The following EMX1 variants were observed in gnomAD, a reference collection of about 807,000 sequenced individuals.
EMX1 encodes empty spiracles homeobox 1.
Under a neutral mutation model 20.1 loss-of-function variants are expected in EMX1, and 10 were observed. That is an observed-to-expected ratio of 0.50 (90% CI 0.31 to 0.84). The LOEUF is 0.84. Among genes scored for constraint, EMX1 ranks in the 40% least tolerant of loss-of-function variants. The pLI is 0.05. For missense variants in EMX1, 424 were observed against 431.9 expected (o/e 0.98, Z 0.16); for synonymous variants, 250 against 200.4 (o/e 1.25, Z -2.09).
intron 1 of EMX1, among the ~76,000 whole-genome samples, chr2:72,919,023 G>T (rs1168057813): frequency 6.6e-6 from 1 of 152,234 alleles, no homozygotes; most frequent in Admixed American, 6.5e-5. Context: ...GCCGTTGCTC[G>T]CCGCCTTCGG....
intron 2 of EMX1, chr2:72,925,729 C>A (rs1444190760): frequency 1.0e-6 from 1 of 985,438 alleles, no homozygotes; most frequent in Non-Finnish European, 1.2e-6. Flanking sequence ...AGTGAGGGAG[C>A]CCAGACCCAA....
chr2:72,925,477 T>TC, intron 2 of EMX1: 1 of 1,289,026 alleles, frequency 7.8e-7, no homozygotes, highest in Non-Finnish European at 1.0e-6. Flanking sequence ...ACCCTCAGCC[T>TC]AGCTGCTGCC....
upstream of EMX1, chr2:72,916,736 C>T (rs1383700776): frequency 1.4e-6 from 1 of 717,292 alleles, no homozygotes; most frequent in African/African-American, 1.7e-5. Flanking sequence ...GTCTCCGAGG[C>T]CCTGACCTGG....
In EMX1 at chr2:72,934,836, T is replaced by A. The variant is rs1671339994; in HGVS notation, c.*882T>A. The A allele has an allele frequency of 6.6e-6, 1 of 152,120 alleles. No individual in the cohort carries two copies. Among genetic ancestry groups the A allele is most frequent in the African/African-American group, 2.4e-5 (1 of 41,394 alleles). The allele number at this position is 152,120 out of a possible 1,614,324, so 9.4% of individuals were successfully genotyped here. A position where few individuals can be genotyped will look rare whatever the true frequency, so the allele number is the denominator to read the frequency against. On this transcript the variant is annotated 3_prime_UTR_variant, in exon 3 of 3. Transcript: ENST00000258106. ...TGTCCTTGGAGAACCGCTGGGCAGG[T>A]TGAGACTGCAGAGACAGGGCTTAAG...
At chr2:72,920,063 G>A (rs1044065351) in intron 1 of EMX1, among the ~76,000 whole-genome samples, 3 of 152,148 alleles carry the variant, frequency 2.0e-5, no homozygotes, top group Non-Finnish European at 4.4e-5. Flanking sequence ...TCGTTCCTAA[G>A]TCCTGTGGCC....
chr2:72,918,032 C>CGGCGGG lies in EMX1; in HGVS notation c.185_190dup (p.Gly62_Gly63dup), dbSNP rs1329057830. On this transcript the variant is annotated inframe_insertion, in exon 1 of 3. Coordinates refer to ENST00000258106, the MANE Select transcript of EMX1 (RefSeq NM_004097.3). ...ACGGCGGCACCGGCGGGGGCACTGG[C>CGGCGGG]GGCGGGGGCGCGGGCTCCCATCTCC... is the stretch of plus-strand genomic sequence containing the variant. 7.0e-7 allele frequency: 1 copy of CGGCGGG among 1,419,848 alleles called. No individual in the cohort carries two copies. The highest frequency in any genetic ancestry group is 9.1e-7 in the Non-Finnish European group (1 of 1,096,440). The allele number at this position is 1,419,848 out of a possible 1,614,324, so 88.0% of individuals were successfully genotyped here.
rs1356328415 is a variant in EMX1 at position 72,924,445 on chromosome 2, C to A, written c.657C>A (p.Gly219=). 1.3e-6 allele frequency: 2 copies of A among 1,596,586 alleles called. No individual in the cohort carries two copies. Among genetic ancestry groups the A allele is most frequent in the Non-Finnish European group, 1.7e-6 (2 of 1,176,262 alleles). Residue 219 remains glycine (G), a synonymous_variant, in exon 2 of 3, where the codon GGC becomes GGA. Coordinates refer to ENST00000258106, the MANE Select transcript of EMX1 (RefSeq NM_004097.3). ...TCGAGAAGAACCACTACGTGGTGGG[C>A]GCCGAGCGGAAGCAGCTGGCCGGCA... is the stretch of plus-strand genomic sequence containing the variant. ...RAFEKNHYVV[G]AERKQLAGSL... is the part of the protein sequence containing the mutation.
intron 2 of EMX1, 44 bp from the exon 3 acceptor site, chr2:72,933,743 G>A (rs749119079): frequency 6.2e-7 from 1 of 1,606,504 alleles, no homozygotes. Context: ...CTGCTCTGGG[G>A]GCCTCCTGAG....
chr2:72,932,785 C>T (rs1163736252), intron 2 of EMX1, among the ~76,000 whole-genome samples: 1 of 152,188 alleles, frequency 6.6e-6, no homozygotes, highest in African/African-American at 2.4e-5. Context: ...TGCCAGGGCT[C>T]TCACTGCCAG....
chr2:72,920,086 G>C (rs920988544), intron 1 of EMX1, among the ~76,000 whole-genome samples: 1 of 152,194 alleles, frequency 6.6e-6, no homozygotes, highest in African/African-American at 2.4e-5. Flanking sequence ...CAGCCGTTCA[G>C]CTTGTCCGGA....
At chr2:72,922,009 G>C (rs887539716) in intron 1 of EMX1, among the ~76,000 whole-genome samples, 5 of 152,328 alleles carry the variant, frequency 3.3e-5, no homozygotes, top group African/African-American at 1.2e-4. Context: ...CTGCAGACCT[G>C]CTTCCTCAGC....
At chr2:72,922,083 A>T (rs1280836754) in intron 1 of EMX1, among the ~76,000 whole-genome samples, 2 of 152,168 alleles carry the variant, frequency 1.3e-5, no homozygotes, top group African/African-American at 2.4e-5. Flanking sequence ...TCCACACTGC[A>T]GCCTCACTTC....
At chr2:72,916,426 A>T, upstream of EMX1, 1 of 538,536 alleles carries the variant, frequency 1.9e-6, no homozygotes, top group East Asian at 3.3e-5. Flanking sequence ...TCCAGGTCCC[A>T]GCCTCCCCAC....
chr2:72,927,678 T>C (rs1671227166), intron 2 of EMX1, among the ~76,000 whole-genome samples: 4 of 152,132 alleles, frequency 2.6e-5, no homozygotes, highest in Admixed American at 1.3e-4. Flanking sequence ...TTAAAAACAG[T>C]TATTTGGGTG....
At position 72,933,783 on chromosome 2, in the gene EMX1, C is replaced by G. The variant is rs1176430650; in HGVS notation, c.706-4C>G. ...TCATCTGTGCCCCTCCCTCCCTGGC[C>G]CAGGTGAAGGTGTGGTTCCAGAACC... On this transcript the variant is annotated splice_polypyrimidine_tract_variant and splice_region_variant and intron_variant, in intron 2 of 2. Coordinates refer to ENST00000258106, the MANE Select transcript of EMX1 (RefSeq NM_004097.3). The G allele has an allele frequency of 6.2e-7, 1 of 1,614,142 alleles. No homozygotes were observed. The highest frequency in any genetic ancestry group is 1.1e-5 in the South Asian group (1 of 91,078).
intron 1 of EMX1, among the ~76,000 whole-genome samples, chr2:72,921,921 G>A (rs192774606): frequency 6.6e-6 from 1 of 152,334 alleles, no homozygotes; most frequent in Non-Finnish European, 1.5e-5. Flanking sequence ...GACAAACACA[G>A]AGCACTCCAC....
chr2:72,920,120 C>T (rs1187302133), intron 1 of EMX1, among the ~76,000 whole-genome samples: 2 of 152,208 alleles, frequency 1.3e-5, no homozygotes, highest in Non-Finnish European at 2.9e-5. Context: ...GCCGCACCCT[C>T]GGCTTCGAAT....
At chr2:72,918,567 A>T (rs1419231514) in intron 1 of EMX1, among the ~76,000 whole-genome samples, 195 bp downstream of exon 1, 3 of 152,240 alleles carry the variant, frequency 2.0e-5, no homozygotes, top group Admixed American at 2.0e-4. Context: ...TCTCCCTCCC[A>T]GGAAAGCAGG....
intron 2 of EMX1, among the ~76,000 whole-genome samples, chr2:72,931,224 A>G (rs1003218338): frequency 1.4e-4 from 21 of 152,236 alleles, no homozygotes; most frequent in African/African-American, 5.1e-4. Flanking sequence ...CTGTGCCTGA[A>G]GTCGCCATCC....
Sources: allele counts gnomAD v4.1 joint callset (sites outside exome capture counted in the v4.1 genomes callset), GRCh38; gene constraint gnomAD v4.1.1; transcripts MANE v1.5; gene names NCBI Gene and HGNC (gene_info 2026-07-23, HGNC 2026-07-21).